TENM2: variants seen among roughly 807,000 people sequenced by gnomAD.
TENM2 encodes teneurin-2.
Under a neutral mutation model 245.2 loss-of-function variants are expected in TENM2, and 52 were observed. The ratio of observed to expected loss-of-function variants is 0.21; its 90% CI spans 0.17 to 0.27. The LOEUF (loss-of-function observed/expected upper bound fraction) is 0.27. Ranked by LOEUF, TENM2 falls within the 10% of genes least tolerant of loss-of-function variation. The pLI, the probability that TENM2 is intolerant of heterozygous loss-of-function variation, is 1.00. For missense variants in TENM2, 3,046 were observed against 3,666.8 expected (o/e 0.83, Z 4.37); for synonymous variants, 1,363 against 1,438.9 (o/e 0.95, Z 1.19).
chr5:167,343,324 A>G (rs1406226853), intron 1 of TENM2, among the ~76,000 whole-genome samples: 1 of 152,178 alleles, frequency 6.6e-6, no homozygotes, highest in Non-Finnish European at 1.5e-5. Context: ...CTGGACACCA[A>G]CATCTGGGTG....
Position 167,806,665 on chromosome 5 carries a change from C to T in TENM2, c.503-69321C>T, listed in dbSNP as rs567086173. On this transcript the variant is annotated intron_variant, in intron 2 of 28. Transcript: ENST00000518659. ...TCATGCTTACTTGTGACATCAACTG[C>T]GAAGTTTTGGGGTCCCTAAGATCAC... Among the ~76,000 whole-genome samples the T allele has an allele frequency of 7.2e-5, 11 of 152,152 alleles. No homozygotes were observed. In the South Asian group the frequency reaches 1.0e-3, roughly 14 times the overall value.
At chr5:167,072,493 T>C in the TENM2 span, among the ~76,000 whole-genome samples, 1 of 152,134 alleles carries the variant, frequency 6.6e-6, no homozygotes, top group Non-Finnish European at 1.5e-5. Flanking sequence ...TTGATGAAGT[T>C]GAGACATGTA....
chr5:168,122,897 C>T (rs1455548916), intron 10 of TENM2, among the ~76,000 whole-genome samples: 1 of 152,066 alleles, frequency 6.6e-6, no homozygotes, highest in Non-Finnish European at 1.5e-5. Flanking sequence ...TTGTGATTTC[C>T]AGTAAGTCCA....
chr5:167,534,710 C>T (rs545044255), intron 2 of TENM2, among the ~76,000 whole-genome samples: 7 of 152,146 alleles, frequency 4.6e-5, no homozygotes, highest in South Asian at 2.1e-4. Flanking sequence ...ATAGAGGAGA[C>T]GAGACCTCGA....
chr5:167,550,333 C>A (rs1288037333), intron 2 of TENM2, among the ~76,000 whole-genome samples: 1 of 152,174 alleles, frequency 6.6e-6, no homozygotes, highest in Non-Finnish European at 1.5e-5. Flanking sequence ...GCTGGATTCC[C>A]TGAGCGCTGA....
At chr5:167,471,525 A>T (rs1767026728) in intron 2 of TENM2, among the ~76,000 whole-genome samples, 1 of 151,988 alleles carries the variant, frequency 6.6e-6, no homozygotes, top group African/African-American at 2.4e-5. Flanking sequence ...TGAAGTGGCA[A>T]TCTTCAATAA....
chr5:167,093,416 C>T, the TENM2 span, among the ~76,000 whole-genome samples: 1 of 152,124 alleles, frequency 6.6e-6, no homozygotes, highest in African/African-American at 2.4e-5. Context: ...AAGGAACTTA[C>T]TGGAAGAGTG....
At chr5:168,191,447 G>A (rs1253751213) in intron 14 of TENM2, among the ~76,000 whole-genome samples, 1 of 152,128 alleles carries the variant, frequency 6.6e-6, no homozygotes, top group Non-Finnish European at 1.5e-5. Flanking sequence ...TGTCGATGGT[G>A]TATGCTGATG....
intron 2 of TENM2, among the ~76,000 whole-genome samples, chr5:167,510,575 C>T (rs1488008001): frequency 7.3e-6 from 1 of 137,752 alleles, no homozygotes; most frequent in African/African-American, 2.7e-5. Context: ...AAAATCAATG[C>T]TTATCAAGAA....
the TENM2 span, among the ~76,000 whole-genome samples, chr5:167,002,043 A>G: frequency 6.6e-6 from 1 of 152,300 alleles, no homozygotes; most frequent in South Asian, 2.1e-4. Flanking sequence ...TTCTTGTAAC[A>G]GTAAAATGAC....
intron 2 of TENM2, among the ~76,000 whole-genome samples, chr5:167,633,728 A>C (rs1159469220): frequency 6.6e-6 from 1 of 152,116 alleles, no homozygotes; most frequent in African/African-American, 2.4e-5. Context: ...AATATTGACT[A>C]ATCACCTTAT....
At chr5:167,648,700 AG>A (rs1244834437) in intron 2 of TENM2, among the ~76,000 whole-genome samples, 1 of 152,168 alleles carries the variant, frequency 6.6e-6, no homozygotes, top group Non-Finnish European at 1.5e-5. Context: ...GAAGAGGTGC[AG>A]GGGGACCCTT....
chr5:167,961,093 G>C (rs1780977907), intron 4 of TENM2, among the ~76,000 whole-genome samples: 1 of 152,212 alleles, frequency 6.6e-6, no homozygotes, highest in African/African-American at 2.4e-5. Flanking sequence ...GAAATCACCT[G>C]GCTTCTGTGT....
chr5:167,473,534 G>T (rs577031140), intron 2 of TENM2, among the ~76,000 whole-genome samples: 7 of 152,034 alleles, frequency 4.6e-5, no homozygotes, highest in Admixed American at 4.6e-4. Flanking sequence ...TTTTATTGCC[G>T]TATATTCTAC....
At chr5:168,109,688 C>T (rs1274066719) in intron 9 of TENM2, among the ~76,000 whole-genome samples, 1 of 152,216 alleles carries the variant, frequency 6.6e-6, no homozygotes, top group African/African-American at 2.4e-5. Context: ...TGCATTCTAA[C>T]AGGGTCCCCA....
the TENM2 span, among the ~76,000 whole-genome samples, chr5:167,102,888 G>T: frequency 3.3e-5 from 5 of 152,152 alleles, no homozygotes. Context: ...TCAAACTCTT[G>T]ACCTCAAGTG....
intron 2 of TENM2, among the ~76,000 whole-genome samples, chr5:167,801,109 AATATATATATATATAT>A (rs869282464): frequency 1.5e-3 from 100 of 66,544 alleles, no homozygotes; most frequent in South Asian, 6.5e-3. Flanking sequence ...AAAAAAAAAA[AATATATATATATATAT>A]ATATATATAT....
chr5:167,105,231 G>A, the TENM2 span, among the ~76,000 whole-genome samples: 1 of 152,200 alleles, frequency 6.6e-6, no homozygotes, highest in African/African-American at 2.4e-5. Flanking sequence ...AAATTCTCAT[G>A]TCAGTGTTGG....
intron 1 of TENM2, among the ~76,000 whole-genome samples, chr5:167,328,192 G>T (rs1291553216): frequency 1.5e-5 from 2 of 137,618 alleles, no homozygotes; most frequent in East Asian, 2.2e-4. Flanking sequence ...CAGTTCGATA[G>T]TTTCTCATAT....
Sources: gnomAD v4.1 joint callset for allele counts (sites outside exome capture counted in the v4.1 genomes callset) on GRCh38, gnomAD v4.1.1 for gene constraint, MANE v1.5 for transcripts, NCBI Gene and HGNC (gene_info 2026-07-23, HGNC 2026-07-21) for gene names.